The following TSPAN5 variants were observed in gnomAD, a reference collection of about 807,000 sequenced individuals.
TSPAN5 encodes the protein tetraspanin 5.
Under a neutral mutation model 37.1 loss-of-function variants are expected in TSPAN5, and 10 were observed. The observed-to-expected ratio is 0.27, with a 90% CI of 0.17 to 0.46. The LOEUF is 0.46. Ranked by LOEUF, TSPAN5 falls within the 20% of genes least tolerant of loss-of-function variation. TSPAN5 has a pLI of 1.00. For synonymous variants in TSPAN5, 110 were observed against 118.9 expected (o/e 0.93, Z 0.48); for missense variants, 195 against 326.6 (o/e 0.60, Z 3.11).
At position 98,653,057 on chromosome 4, in the gene TSPAN5, C is replaced by A. The variant is rs189734817; in HGVS notation, c.81+5089G>T. Among the ~76,000 whole-genome samples, 395 of 152,308 alleles carry A rather than the reference C, an allele frequency of 2.6e-3. 4 individuals are homozygous for A. Among genetic ancestry groups the A allele is most frequent in the African/African-American group, 9.3e-3 (385 of 41,548 alleles). Reference sequence around the variant, plus strand: ...CTTTTCCCATATGACACTTTCATAACCATATTTAGCTTTCTTCCTACCATC... The same window carrying A: ...CTTTTCCCATATGACACTTTCATAAACATATTTAGCTTTCTTCCTACCATC... On this transcript the variant is annotated intron_variant, in intron 1 of 7. Transcript: ENST00000305798.
At chr4:98,590,899 C>T (rs889414543) in intron 1 of TSPAN5, among the ~76,000 whole-genome samples, 4 of 152,066 alleles carry the variant, frequency 2.6e-5, no homozygotes, top group African/African-American at 9.7e-5. Context: ...TCCATCCACA[C>T]AGGAACCTGA....
intron 1 of TSPAN5, among the ~76,000 whole-genome samples, chr4:98,581,015 G>A (rs1755357771): frequency 6.6e-6 from 1 of 152,054 alleles, no homozygotes; most frequent in African/African-American, 2.4e-5. Flanking sequence ...GAAAGCACAG[G>A]CTGACCATTA....
At chr4:98,621,065 T>G (rs1217080174) in intron 1 of TSPAN5, among the ~76,000 whole-genome samples, 10 of 152,096 alleles carry the variant, frequency 6.6e-5, no homozygotes, top group Non-Finnish European at 1.3e-4. Context: ...TGTGTCCTTA[T>G]AAAAAGACAA....
chr4:98,494,209 G>A (rs1165300423), intron 2 of TSPAN5, among the ~76,000 whole-genome samples: 1 of 151,996 alleles, frequency 6.6e-6, no homozygotes, highest in African/African-American at 2.4e-5. Context: ...CTCTAGAGTG[G>A]GGCAGAGAGA....
intron 1 of TSPAN5, among the ~76,000 whole-genome samples, chr4:98,629,650 C>G (rs531840356): frequency 3.3e-5 from 5 of 152,180 alleles, no homozygotes; most frequent in Admixed American, 6.5e-5. Context: ...GTCAGCCACT[C>G]TAAGAGGTAC....
chr4:98,474,772 C>G (rs1752658990), intron 7 of TSPAN5, among the ~76,000 whole-genome samples: 1 of 152,228 alleles, frequency 6.6e-6, no homozygotes, highest in Non-Finnish European at 1.5e-5. Flanking sequence ...CTTCTGGGCT[C>G]AAGCAATCCT....
intron 1 of TSPAN5, among the ~76,000 whole-genome samples, chr4:98,601,597 G>A (rs1331313623): frequency 2.0e-5 from 3 of 152,144 alleles, no homozygotes; most frequent in African/African-American, 7.2e-5. Context: ...GCCTTGCTCT[G>A]GATTAGGCTC....
chr4:98,581,464 G>A (rs183889590), intron 1 of TSPAN5, among the ~76,000 whole-genome samples: 64 of 152,000 alleles, frequency 4.2e-4, no homozygotes, highest in Middle Eastern at 3.4e-3. Flanking sequence ...CTTTCTAAAC[G>A]CCCCTGTCTT....
At chr4:98,549,861 T>C (rs1754567727) in intron 1 of TSPAN5, among the ~76,000 whole-genome samples, 1 of 152,164 alleles carries the variant, frequency 6.6e-6, no homozygotes, top group African/African-American at 2.4e-5. Flanking sequence ...TTTTTTTCTT[T>C]TGCTGTGCAG....
At chr4:98,519,095 T>C (rs1753799809) in intron 1 of TSPAN5, among the ~76,000 whole-genome samples, 1 of 152,076 alleles carries the variant, frequency 6.6e-6, no homozygotes, top group South Asian at 2.1e-4. Flanking sequence ...TGACATCAGC[T>C]GAAAAAGGAA....
At position 98,646,886 on chromosome 4, in the gene TSPAN5, T is replaced by C. The variant is rs116313451; in HGVS notation, c.81+11260A>G. ...TTGACTATTCCAAGCAGTTTACACA[T>C]ATTAACTCCTCAAATCCTCAGGATT... On this transcript the variant is annotated intron_variant, in intron 1 of 7. Transcript: ENST00000305798. 6.6e-3 allele frequency among the ~76,000 whole-genome samples: 1,007 copies of C among 152,270 alleles called. 7 individuals carry two copies. Among genetic ancestry groups the C allele is most frequent in the Non-Finnish European group, 9.7e-3 (658 of 68,012 alleles).
intron 1 of TSPAN5, among the ~76,000 whole-genome samples, chr4:98,620,321 A>G (rs1756452371): frequency 6.6e-6 from 1 of 152,194 alleles, no homozygotes; most frequent in African/African-American, 2.4e-5. Flanking sequence ...GCCATGGTCA[A>G]CAGTCCCCGC....
chr4:98,521,224 C>T (rs1419418262), intron 1 of TSPAN5, among the ~76,000 whole-genome samples: 1 of 152,240 alleles, frequency 6.6e-6, no homozygotes, highest in Non-Finnish European at 1.5e-5. Context: ...GCCACCTTAT[C>T]AGCAAGGCAC....
chr4:98,611,710 C>A (rs1332300651), intron 1 of TSPAN5, among the ~76,000 whole-genome samples: 1 of 152,240 alleles, frequency 6.6e-6, no homozygotes, highest in African/African-American at 2.4e-5. Flanking sequence ...TCTTCCCAGG[C>A]AAGAATGTGC....
intron 1 of TSPAN5, among the ~76,000 whole-genome samples, chr4:98,558,208 A>G (rs888245705): frequency 2.6e-5 from 4 of 151,796 alleles, no homozygotes; most frequent in Non-Finnish European, 4.4e-5. Flanking sequence ...GGCCATTTTT[A>G]TTAAATGTAT....
Position 98,472,509 on chromosome 4 carries a change from G to C in TSPAN5, c.*13C>G. On this transcript the variant is annotated 3_prime_UTR_variant, in exon 8 of 8. Transcript: ENST00000305798. Reference sequence around the variant, plus strand: ...GGTCTGTCCAGTGTCTTGCAGCAGCGGTTGCAGGGGGTCTACCAGCTCGCC... The same window carrying C: ...GGTCTGTCCAGTGTCTTGCAGCAGCCGTTGCAGGGGGTCTACCAGCTCGCC... 6.2e-7 allele frequency: 1 copy of C among 1,613,622 alleles called. No individual in the cohort carries two copies. Among genetic ancestry groups the C allele is most frequent in the Non-Finnish European group, 8.5e-7 (1 of 1,179,758 alleles).
intron 7 of TSPAN5, among the ~76,000 whole-genome samples, 181 bp downstream of exon 7, chr4:98,476,008 A>AAAAT (rs1044237601): frequency 1.3e-5 from 2 of 152,086 alleles, no homozygotes; most frequent in African/African-American, 2.4e-5. Flanking sequence ...ATTAATAAAT[A>AAAAT]AAATAAATAA....
At chr4:98,541,524 G>T (rs1195124145) in intron 1 of TSPAN5, among the ~76,000 whole-genome samples, 2 of 151,594 alleles carry the variant, frequency 1.3e-5, no homozygotes, top group African/African-American at 2.4e-5. Flanking sequence ...AAAATACAAA[G>T]AAATTAGCTG....
At chr4:98,476,100 T>C in intron 7 of TSPAN5, 89 bp downstream of exon 7, 7 of 959,370 alleles carry the variant, frequency 7.3e-6, no homozygotes, top group Non-Finnish European at 1.1e-5. Context: ...ACTATGACAA[T>C]CAAGGTTTTT....
Sources: allele counts gnomAD v4.1 joint callset (sites outside exome capture counted in the v4.1 genomes callset), GRCh38; gene constraint gnomAD v4.1.1; transcripts MANE v1.5; gene names NCBI Gene and HGNC (gene_info 2026-07-23, HGNC 2026-07-21).